Variants in OCA2 observed in about 807,000 individuals in gnomAD.
OCA2 encodes P protein.
A neutral mutation model predicts 100.2 loss-of-function variants in OCA2; 77 were observed. That is an observed-to-expected ratio of 0.77 (90% CI 0.64 to 0.93). The LOEUF is 0.93. Among genes scored for constraint, OCA2 ranks in the 40% least tolerant of loss-of-function variants. The pLI is 0.00. For synonymous variants in OCA2, 432 were observed against 439.2 expected, an observed-to-expected ratio of 0.98 and a Z score of 0.21; for missense variants, 1,062 against 1,089.1, an observed-to-expected ratio of 0.98 and a Z score of 0.35.
chr15:28,058,955 G>A (rs938268294), intron 2 of OCA2, among the ~76,000 whole-genome samples: 13 of 152,160 alleles, frequency 8.5e-5, no homozygotes, highest in African/African-American at 1.4e-4. Flanking sequence ...CAAGGGCCCC[G>A]CAGATGAGGA....
At chr15:27,770,573 C>T (rs1313951699) in intron 23 of OCA2, among the ~76,000 whole-genome samples, 1 of 151,846 alleles carries the variant, frequency 6.6e-6, no homozygotes, top group African/African-American at 2.4e-5. Context: ...CCGATGGGCG[C>T]GCACGGTGCC....
chr15:28,026,667 A>G (rs1234853297), intron 4 of OCA2, among the ~76,000 whole-genome samples: 1 of 151,914 alleles, frequency 6.6e-6, no homozygotes, highest in African/African-American at 2.4e-5. Flanking sequence ...CCCTCCGTGT[A>G]CCTCCCAGGA....
chr15:28,056,751 A>G (rs1459892794), intron 2 of OCA2, among the ~76,000 whole-genome samples: 1 of 152,190 alleles, frequency 6.6e-6, no homozygotes, highest in Non-Finnish European at 1.5e-5. Flanking sequence ...ACGCGCTCCT[A>G]TCCCTGCCCC....
chr15:28,096,508 G>A lies in OCA2; in HGVS notation c.-22+2716C>T, dbSNP rs550375039. ...AGCCCTGCGGCCAAGAAGGCCTGAA[G>A]AAGCCCGTCCAGGGGTCAGCCTCCT... On this transcript the variant is annotated intron_variant, in intron 1 of 23. Transcript: ENST00000354638. 6.1e-4 allele frequency among the ~76,000 whole-genome samples: 93 copies of A among 152,322 alleles called. 1 individual carries two copies. The highest frequency in any genetic ancestry group is 4.8e-3 in the South Asian group (23 of 4,826).
At chr15:28,062,350 G>T (rs1308694524) in intron 2 of OCA2, among the ~76,000 whole-genome samples, 1 of 152,124 alleles carries the variant, frequency 6.6e-6, no homozygotes, top group Non-Finnish European at 1.5e-5. Context: ...TTGCTTACAG[G>T]CCATTTGAAT....
At chr15:27,905,810 G>A (rs1266952875) in intron 19 of OCA2, among the ~76,000 whole-genome samples, 2 of 152,142 alleles carry the variant, frequency 1.3e-5, no homozygotes, top group Non-Finnish European at 2.9e-5. Flanking sequence ...TATCAGGAGC[G>A]GAAATGTCAC....
chr15:27,835,679 A>T (rs2151333003), intron 23 of OCA2, among the ~76,000 whole-genome samples: 1 of 152,350 alleles, frequency 6.6e-6, no homozygotes, highest in South Asian at 2.1e-4. Flanking sequence ...CCTCAGGCGC[A>T]GGCCCTGTTC....
intron 9 of OCA2, among the ~76,000 whole-genome samples, chr15:28,011,642 A>G (rs1199725252): frequency 6.6e-6 from 1 of 152,138 alleles, no homozygotes; most frequent in Non-Finnish European, 1.5e-5. Flanking sequence ...CTGGCCCGGC[A>G]CAGTGGCTCA....
intron 1 of OCA2, among the ~76,000 whole-genome samples, chr15:28,095,926 G>T (rs1218775692): frequency 6.6e-6 from 1 of 152,138 alleles, no homozygotes; most frequent in Non-Finnish European, 1.5e-5. Context: ...ACAAAGCGCT[G>T]CTTGGCCCCA....
At chr15:27,743,426 C>T in the OCA2 span, among the ~76,000 whole-genome samples, 1 of 152,180 alleles carries the variant, frequency 6.6e-6, no homozygotes, top group African/African-American at 2.4e-5. Flanking sequence ...GCATGCTTAT[C>T]AAGGGTCCCT....
intron 19 of OCA2, among the ~76,000 whole-genome samples, chr15:27,917,556 T>C (rs1322498829): frequency 6.6e-6 from 1 of 152,172 alleles, no homozygotes. Context: ...GTGATATTCA[T>C]GGCACATGAG....
chr15:27,994,488 G>A (rs1199625201), intron 9 of OCA2, among the ~76,000 whole-genome samples: 2 of 152,166 alleles, frequency 1.3e-5, no homozygotes, highest in African/African-American at 4.8e-5. Context: ...CCACTTCCCA[G>A]GCACAGAACG....
intron 21 of OCA2, among the ~76,000 whole-genome samples, chr15:27,861,311 G>A (rs775844466): frequency 2.6e-5 from 4 of 152,118 alleles, no homozygotes; most frequent in African/African-American, 4.8e-5. Context: ...ATTTCAGTTC[G>A]GGACACGTTA....
Position 28,018,537 on chromosome 15 carries a change from C to T in OCA2, c.667G>A (p.Val223Met), listed in dbSNP as rs1390458631. The T allele has an allele frequency of 5.6e-6, 9 of 1,613,532 alleles. No individual in the cohort carries two copies. The highest frequency in any genetic ancestry group is 4.4e-5 in the South Asian group (4 of 91,046). The change falls in exon 7 of 24, where the codon GTG (valine) becomes ATG (methionine). Residue 223 changes from valine to methionine, a missense_variant. Physicochemically the swap from Val to Met is conservative, Grantham distance 21 (BLOSUM62 1). Coordinates refer to ENST00000354638, the MANE Select transcript of OCA2 (RefSeq NM_000275.3). ...TCCACCTGCAGCAGCGTGGAGTCCA[C>T]GTGGCTGCTAAGGTTCACGGCTCGG... ...ENYSVNLSSH[V>M]DSTLLQVDLA... is the part of the protein sequence containing the mutation.
At chr15:27,963,682 A>G (rs1351227465) in intron 15 of OCA2, among the ~76,000 whole-genome samples, 2 of 152,162 alleles carry the variant, frequency 1.3e-5, no homozygotes, top group East Asian at 1.9e-4. Flanking sequence ...CATAAAATCA[A>G]TAACCTTAGC....
At chr15:27,807,576 G>A (rs572911889) in intron 23 of OCA2, among the ~76,000 whole-genome samples, 1 of 152,306 alleles carries the variant, frequency 6.6e-6, no homozygotes, top group South Asian at 2.1e-4. Flanking sequence ...AGATGGAAGT[G>A]TCACATGCTC....
At chr15:27,989,907 G>A (rs1278480725) in intron 10 of OCA2, among the ~76,000 whole-genome samples, 3 of 152,152 alleles carry the variant, frequency 2.0e-5, no homozygotes, top group Non-Finnish European at 2.9e-5. Context: ...CCTGCCTCTG[G>A]CAGCTCCCAC....
chr15:27,919,659 G>A (rs2038788837), intron 19 of OCA2, among the ~76,000 whole-genome samples: 1 of 152,092 alleles, frequency 6.6e-6, no homozygotes. Flanking sequence ...GGAATTTTAG[G>A]GCAGTGGAAC....
chr15:27,745,604 T>C, the OCA2 span, among the ~76,000 whole-genome samples: 1 of 152,214 alleles, frequency 6.6e-6, no homozygotes, highest in African/African-American at 2.4e-5. Flanking sequence ...TTTGAAATAT[T>C]TTGAAATGGC....
Sources: allele counts gnomAD v4.1 joint callset (sites outside exome capture counted in the v4.1 genomes callset), GRCh38; gene constraint gnomAD v4.1.1; transcripts MANE v1.5; gene names NCBI Gene and HGNC (gene_info 2026-07-23, HGNC 2026-07-21).